AFF3: variants seen among roughly 807,000 people sequenced by gnomAD.
The protein encoded by AFF3 is AF4/FMR2 family member 3.
AFF3 carries 32 observed loss-of-function variants against 129.7 expected under a neutral mutation model. The observed-to-expected ratio is 0.25, with a 90% CI of 0.19 to 0.33. The LOEUF (loss-of-function observed/expected upper bound fraction) is 0.33, where lower values mean the gene tolerates loss of function less well. Ranked by LOEUF, AFF3 falls within the 10% of genes least tolerant of loss-of-function variation. The pLI, the probability that AFF3 is intolerant of heterozygous loss-of-function variation, is 1.00. For missense variants in AFF3, 1,373 were observed against 1,592.0 expected, an observed-to-expected ratio of 0.86 and a Z score of 2.34; for synonymous variants, 644 against 635.4, an observed-to-expected ratio of 1.01 and a Z score of -0.20.
intron 7 of AFF3, among the ~76,000 whole-genome samples, chr2:99,975,649 T>C (rs1300090746): frequency 1.3e-5 from 2 of 151,920 alleles, no homozygotes; most frequent in African/African-American, 4.8e-5. Context: ...GCACCAGTGT[T>C]TGGAGCTCAG....
intron 8 of AFF3, among the ~76,000 whole-genome samples, chr2:99,835,438 G>A (rs553197453): frequency 2.6e-4 from 40 of 152,232 alleles, no homozygotes; most frequent in Middle Eastern, 3.4e-3. Context: ...GCTTGCGTTT[G>A]GAGGTGAAGA....
chr2:100,041,173 A>G (rs1685395952), intron 4 of AFF3, among the ~76,000 whole-genome samples: 1 of 152,226 alleles, frequency 6.6e-6, no homozygotes, highest in African/African-American at 2.4e-5. Context: ...TTCACACGGA[A>G]GCTACTAAAT....
chr2:99,743,835 A>G (rs964086012), intron 10 of AFF3, among the ~76,000 whole-genome samples: 1 of 152,212 alleles, frequency 6.6e-6, no homozygotes, highest in Non-Finnish European at 1.5e-5. Context: ...AGGAACAGCC[A>G]TAATAAAGCA....
chr2:100,123,951 G>A (rs1692082895), intron 2 of AFF3, among the ~76,000 whole-genome samples: 1 of 149,992 alleles, frequency 6.7e-6, no homozygotes, highest in Admixed American at 6.6e-5. Flanking sequence ...CATTAAAAGT[G>A]CTCTAATTAA....
At chr2:99,644,394 G>A (rs1048357740) in intron 13 of AFF3, among the ~76,000 whole-genome samples, 1 of 151,820 alleles carries the variant, frequency 6.6e-6, no homozygotes, top group Non-Finnish European at 1.5e-5. Flanking sequence ...GCAGCCTCTC[G>A]TATTTCTAGC....
intron 4 of AFF3, among the ~76,000 whole-genome samples, chr2:100,074,432 C>T (rs1688436397): frequency 6.6e-6 from 1 of 152,198 alleles, no homozygotes; most frequent in African/African-American, 2.4e-5. Context: ...TCTAGGACAG[C>T]AGCTATGTTA....
chr2:99,709,754 T>C (rs1677727349), intron 11 of AFF3, among the ~76,000 whole-genome samples: 1 of 152,150 alleles, frequency 6.6e-6, no homozygotes, highest in Admixed American at 6.5e-5. Flanking sequence ...TTATTCTATT[T>C]ACTCCCAGAA....
At chr2:99,951,973 G>C (rs1252409464) in intron 7 of AFF3, among the ~76,000 whole-genome samples, 1 of 152,210 alleles carries the variant, frequency 6.6e-6, no homozygotes, top group Admixed American at 6.5e-5. Context: ...TAACAGCTTG[G>C]AGGACATAAA....
chr2:99,747,860 A>G (rs768700586), intron 9 of AFF3, among the ~76,000 whole-genome samples: 6 of 152,160 alleles, frequency 3.9e-5, no homozygotes, highest in Non-Finnish European at 7.4e-5. Context: ...TGCTAGTGCC[A>G]AAGTAATTGG....
chr2:99,823,768 G>A (rs1199943395), intron 8 of AFF3, among the ~76,000 whole-genome samples: 2 of 152,202 alleles, frequency 1.3e-5, no homozygotes, highest in Non-Finnish European at 2.9e-5. Flanking sequence ...ATACTACGCA[G>A]CCACACAAAA....
chr2:100,027,115 TAGACCAATGTTTCCACAAACCTATC>T (rs1159504741), intron 4 of AFF3, among the ~76,000 whole-genome samples: 1 of 152,094 alleles, frequency 6.6e-6, no homozygotes, highest in Non-Finnish European at 1.5e-5. Flanking sequence ...AAAAGTGAAC[TAGACCAATGTTTCCACAAACCTATC>T]CTATAGGCTT....
chr2:99,739,093 G>A (rs988840465), intron 10 of AFF3, among the ~76,000 whole-genome samples: 1 of 149,250 alleles, frequency 6.7e-6, no homozygotes, highest in African/African-American at 2.5e-5. Flanking sequence ...AAAGCTCTGT[G>A]TGGGAATCCG....
chr2:99,724,682 T>C (rs560095228), intron 11 of AFF3, among the ~76,000 whole-genome samples: 8 of 152,142 alleles, frequency 5.3e-5, no homozygotes, highest in Admixed American at 1.3e-4. Flanking sequence ...GAATGTAAAA[T>C]ACTACACAAA....
At position 100,055,607 on chromosome 2, in the gene AFF3, T is replaced by C. The variant is rs75713541; in HGVS notation, c.54-46675A>G. ...TAGGTGATTCTAATGTACAGCAGGC[T>C]GAGAACCAGTGTTCTGTCTAGGCCA... is the stretch of plus-strand genomic sequence containing the variant. On this transcript the variant is annotated intron_variant, in intron 4 of 24. Transcript: ENST00000672756. 5.6e-3 allele frequency among the ~76,000 whole-genome samples: 857 copies of C among 152,322 alleles called. 11 individuals are homozygous for C. The highest frequency in any genetic ancestry group is 0.019 in the African/African-American group (802 of 41,572).
intron 4 of AFF3, among the ~76,000 whole-genome samples, chr2:100,033,788 A>C (rs575959929): frequency 6.6e-6 from 1 of 152,284 alleles, no homozygotes; most frequent in East Asian, 1.9e-4. Flanking sequence ...CTTATAATAC[A>C]ATGTTCCACA....
chr2:99,906,989 A>G (rs933526809), intron 7 of AFF3, among the ~76,000 whole-genome samples: 1 of 152,094 alleles, frequency 6.6e-6, no homozygotes, highest in African/African-American at 2.4e-5. Flanking sequence ...TGCTAATACT[A>G]TGCCAGGCAC....
intron 11 of AFF3, among the ~76,000 whole-genome samples, chr2:99,674,817 C>T (rs17022868): frequency 0.015 from 2,243 of 152,304 alleles, 52 homozygotes; most frequent in African/African-American, 0.052. Flanking sequence ...GCAAACTAGC[C>T]GTGCAACTCA....
At chr2:99,643,052 A>G (rs1684352546) in intron 13 of AFF3, among the ~76,000 whole-genome samples, 1 of 143,074 alleles carries the variant, frequency 7.0e-6, no homozygotes, top group South Asian at 2.2e-4. Flanking sequence ...GCATACTTAA[A>G]AGATTTTTTT....
At chr2:99,694,558 T>C (rs1676000144) in intron 11 of AFF3, among the ~76,000 whole-genome samples, 1 of 152,132 alleles carries the variant, frequency 6.6e-6, no homozygotes, top group Non-Finnish European at 1.5e-5. Flanking sequence ...CCGTAAGTCC[T>C]TTCCCTGTCC....
Sources: gnomAD v4.1 joint callset for allele counts (sites outside exome capture counted in the v4.1 genomes callset) on GRCh38, gnomAD v4.1.1 for gene constraint, MANE v1.5 for transcripts, NCBI Gene and HGNC (gene_info 2026-07-23, HGNC 2026-07-21) for gene names.